TRA2B: variants seen among roughly 807,000 people sequenced by gnomAD.
TRA2B encodes transformer-2 protein homolog beta.
TRA2B carries 14 observed loss-of-function variants against 41.7 expected under a neutral mutation model. The ratio of observed to expected loss-of-function variants is 0.34; its 90% CI spans 0.22 to 0.53. TRA2B has a LOEUF of 0.53. TRA2B is among the 20% of genes least tolerant of loss of function. The pLI, the probability that TRA2B is intolerant of heterozygous loss-of-function variation, is 0.95. For synonymous variants in TRA2B, 130 were observed against 128.8 expected (o/e 1.01, Z -0.06); for missense variants, 167 against 396.8 (o/e 0.42, Z 4.92).
intron 2 of TRA2B, among the ~76,000 whole-genome samples, chr3:185,926,040 G>A (rs1481541283): frequency 1.3e-5 from 2 of 152,010 alleles, no homozygotes; most frequent in African/African-American, 2.4e-5. Context: ...AAAATTGAGT[G>A]GCTCTTGACT....
intron 1 of TRA2B, chr3:185,936,800 T>C (rs947542885): frequency 1.0e-6 from 1 of 985,298 alleles, no homozygotes. Flanking sequence ...GTTCGCATCA[T>C]TCAATGCTTT....
At chr3:185,935,371 C>A (rs943884091) in intron 1 of TRA2B, 3 of 985,348 alleles carry the variant, frequency 3.0e-6, no homozygotes, top group Non-Finnish European at 3.6e-6. Flanking sequence ...TCCCACAGAC[C>A]AACGAGGGAT....
At chr3:185,918,874 T>G (rs760641017) in intron 7 of TRA2B, among the ~76,000 whole-genome samples, 1 of 151,562 alleles carries the variant, frequency 6.6e-6, no homozygotes, top group Non-Finnish European at 1.5e-5. Flanking sequence ...TGTGCGGTGG[T>G]GCATGCTTGT....
chr3:185,922,116 C>T lies in TRA2B; in HGVS notation c.533G>A (p.Arg178His). The T allele has an allele frequency of 3.7e-6, 6 of 1,612,426 alleles. No individual in the cohort carries two copies. The highest frequency in any genetic ancestry group is 5.1e-6 in the Non-Finnish European group (6 of 1,179,184). ...NVDDAKEAKE[R>H]ANGMELDGRR... ...CCCATCAAGCTCCATTCCATTGGCACGTTCTTTAGCCTTCAAAAGGTAAAT... is the reference window on the plus strand; with the variant it reads ...CCCATCAAGCTCCATTCCATTGGCATGTTCTTTAGCCTTCAAAAGGTAAAT... Residue 178 changes from arginine to histidine, a missense_variant, in exon 5 of 9, where the codon CGT becomes CAT. By Grantham distance (29) the Arg-to-His change is conservative (BLOSUM62 0). Around this residue, in one of 5 missense-constraint regions of TRA2B, gnomAD observed 20 missense variants for 159.6 expected, o/e 0.13. Transcript: ENST00000453386.
chr3:185,930,834 G>A (rs962815482), intron 1 of TRA2B, among the ~76,000 whole-genome samples: 1 of 152,166 alleles, frequency 6.6e-6, no homozygotes, highest in African/African-American at 2.4e-5. Flanking sequence ...GGAGAAATAG[G>A]AATGAAAGCA....
intron 5 of TRA2B, 23 bp downstream of exon 5, chr3:185,921,988 A>G: frequency 6.4e-7 from 1 of 1,556,732 alleles, no homozygotes; most frequent in Non-Finnish European, 8.8e-7. Context: ...TGCCAATTAT[A>G]TTTATTTTGA....
chr3:185,919,648 T>C, intron 6 of TRA2B, 152 bp from the exon 7 acceptor site: 1 of 618,188 alleles, frequency 1.6e-6, no homozygotes, highest in Non-Finnish European at 2.8e-6. Context: ...GAAACTGGCA[T>C]AGGGTTCTCT....
chr3:185,918,311 C>T (rs1743581386), intron 8 of TRA2B, 54 bp downstream of exon 8: 1 of 1,310,028 alleles, frequency 7.6e-7, no homozygotes, highest in Non-Finnish European at 1.1e-6. Flanking sequence ...AATACACTGT[C>T]ATCAGAGCAA....
At chr3:185,931,926 G>C in intron 1 of TRA2B, 5 of 713,162 alleles carry the variant, frequency 7.0e-6, no homozygotes, top group Non-Finnish European at 7.1e-6. Context: ...ACTGAAACTA[G>C]AAAAAAAAAA....
chr3:185,921,305 AT>A, intron 5 of TRA2B, 118 bp from the exon 6 acceptor site: 1 of 818,948 alleles, frequency 1.2e-6, no homozygotes, highest in South Asian at 1.5e-5. Context: ...TCCTGTTAAA[AT>A]TCTCACCTAT....
rs1743972244 is a variant in TRA2B, at chr3:185,926,853, G to A, written c.37-119C>T. On this transcript the variant is annotated intron_variant, in intron 1 of 8. Transcript: ENST00000453386. ...TCCCCTTCCAAGATAAGAAAATATA[G>A]GTAAGGGCAGGAACTGAATATACCT... The A allele has an allele frequency of 4.8e-6, 6 of 1,247,184 alleles. No individual in the cohort carries two copies. In the East Asian group the frequency reaches 1.0e-4, roughly 21 times the overall value. 77.3% of individuals were successfully genotyped at this position (1,247,184 alleles called of 1,614,324 possible).
chr3:185,936,490 G>A, intron 1 of TRA2B: 1 of 985,328 alleles, frequency 1.0e-6, no homozygotes, highest in Non-Finnish European at 1.2e-6. Flanking sequence ...TAAGCAGTTT[G>A]GGCTCCAAAA....
chr3:185,920,496 A>C (rs1181889294), intron 6 of TRA2B, among the ~76,000 whole-genome samples: 1 of 152,016 alleles, frequency 6.6e-6, no homozygotes, highest in Non-Finnish European at 1.5e-5. Flanking sequence ...GCTGGTCTCA[A>C]ATTCCCGGGC....
chr3:185,937,351 T>C, intron 1 of TRA2B: 5 of 995,336 alleles, frequency 5.0e-6, no homozygotes, highest in Non-Finnish European at 6.0e-6. Context: ...TCTGTCCCCT[T>C]GCACCCCACC....
At chr3:185,936,338 A>T in intron 1 of TRA2B, 1 of 985,354 alleles carries the variant, frequency 1.0e-6, no homozygotes, top group African/African-American at 1.7e-5. Context: ...CAACTTTCTT[A>T]CCCAAGAAAG....
chr3:185,929,771 C>T (rs1018736493), intron 1 of TRA2B, among the ~76,000 whole-genome samples: 1 of 152,168 alleles, frequency 6.6e-6, no homozygotes, highest in African/African-American at 2.4e-5. Flanking sequence ...CTCATAAACA[C>T]TGCATCTCTT....
At chr3:185,934,753 A>C (rs964687836) in intron 1 of TRA2B, 2 of 985,314 alleles carry the variant, frequency 2.0e-6, no homozygotes, top group Non-Finnish European at 2.4e-6. Context: ...GATTCAGCAG[A>C]AGATGAGAAA....
chr3:185,919,427 C>G lies in TRA2B; in HGVS notation c.782+10G>C. 5 of 1,611,810 alleles carry G rather than the reference C, an allele frequency of 3.1e-6. No individual in the cohort carries two copies. The highest frequency in any genetic ancestry group is 4.2e-6 in the Non-Finnish European group (5 of 1,178,902). ...CTGTTGTACAGATGCTAAGTCCTCTCCTGGCATACCTATAAATCTGATCCC... is the reference window on the plus strand; with the variant it reads ...CTGTTGTACAGATGCTAAGTCCTCTGCTGGCATACCTATAAATCTGATCCC... On this transcript the variant is annotated intron_variant, in intron 7 of 8. Coordinates refer to ENST00000453386, the MANE Select transcript of TRA2B (RefSeq NM_004593.3).
At chr3:185,919,208 C>T (rs944998996) in intron 7 of TRA2B, among the ~76,000 whole-genome samples, 4 of 146,620 alleles carry the variant, frequency 2.7e-5, no homozygotes, top group Admixed American at 6.8e-5. Context: ...CATCACTGTA[C>T]CTCATCACGG....
Sources: gnomAD v4.1 joint callset for allele counts (sites outside exome capture counted in the v4.1 genomes callset) on GRCh38, gnomAD v4.1.1 for gene constraint, gnomAD v4.1.1 regional missense constraint, MANE v1.5 for transcripts, NCBI Gene and HGNC (gene_info 2026-07-23, HGNC 2026-07-21) for gene names.